The following DAAM1 variants were observed in gnomAD, a reference collection of about 807,000 sequenced individuals.
DAAM1 encodes the protein disheveled-associated activator of morphogenesis 1.
DAAM1 carries 52 observed loss-of-function variants against 130.0 expected under a neutral mutation model. That is an observed-to-expected ratio of 0.40 (90% CI 0.32 to 0.50). The LOEUF (loss-of-function observed/expected upper bound fraction) is 0.50, where lower values mean the gene tolerates loss of function less well. DAAM1 is among the 20% of genes least tolerant of loss of function. DAAM1 has a pLI of 0.61. For synonymous variants in DAAM1, 452 were observed against 444.5 expected (o/e 1.02, Z -0.21); for missense variants, 1,134 against 1,303.8 (o/e 0.87, Z 2.01).
At chr14:59,319,811 C>CTCA (rs1433695714) in intron 4 of DAAM1, among the ~76,000 whole-genome samples, 1 of 152,128 alleles carries the variant, frequency 6.6e-6, no homozygotes, top group Non-Finnish European at 1.5e-5. Flanking sequence ...CATCTCAGAC[C>CTCA]TCACCCCAGA....
intron 12 of DAAM1, among the ~76,000 whole-genome samples, chr14:59,330,154 C>G (rs1885368061): frequency 1.3e-5 from 2 of 152,150 alleles, no homozygotes; most frequent in African/African-American, 4.8e-5. Flanking sequence ...CCTTGTATTG[C>G]TAAAGGACCA....
At position 59,325,701 on chromosome 14, in the gene DAAM1, G is replaced by A. The variant is rs1566704590; in HGVS notation, c.1027G>A (p.Glu343Lys). 6.2e-7 allele frequency: 1 copy of A among 1,613,996 alleles called. No homozygotes were observed. The highest frequency in any genetic ancestry group is 8.5e-7 in the Non-Finnish European group (1 of 1,179,976). Residue 343 changes from glutamate to lysine, a missense_variant, in exon 9 of 25, where the codon GAA becomes AAA. Transcript: ENST00000360909. Reference protein sequence around the residue: ...DFFEMLRNEDELEFAKRFELV... With the variant: ...DFFEMLRNEDKLEFAKRFELV... ...TTTTGAAATGCTCCGAAATGAAGAT[G>A]AACTAGAATTTGCCAAAAGATTTGA...
At chr14:59,264,551 C>G (rs1174899406) in intron 2 of DAAM1, 1 of 152,078 alleles carries the variant, frequency 6.6e-6, no homozygotes, top group Non-Finnish European at 1.5e-5. Flanking sequence ...GGCCCAGTGC[C>G]TGGCCTTTAA....
chr14:59,295,074 T>A (rs1271101080), intron 3 of DAAM1, among the ~76,000 whole-genome samples: 1 of 152,190 alleles, frequency 6.6e-6, no homozygotes, highest in Non-Finnish European at 1.5e-5. Context: ...GTTTGCCAAG[T>A]AAGTAAATGG....
intron 3 of DAAM1, among the ~76,000 whole-genome samples, chr14:59,305,900 G>A (rs540367215): frequency 3.3e-4 from 51 of 152,304 alleles, no homozygotes; most frequent in African/African-American, 1.1e-3. Context: ...TGTAAATAAA[G>A]TTTGTGATAT....
intron 1 of DAAM1, among the ~76,000 whole-genome samples, chr14:59,223,879 A>C (rs372899711): frequency 9.9e-5 from 15 of 152,232 alleles, no homozygotes; most frequent in African/African-American, 3.6e-4. Context: ...TGTTTCCTGC[A>C]CTCTTAACAC....
chr14:59,193,540 G>A (rs1326548502), intron 1 of DAAM1, among the ~76,000 whole-genome samples: 1 of 152,072 alleles, frequency 6.6e-6, no homozygotes, highest in African/African-American at 2.4e-5. Context: ...TGCATTCATA[G>A]TCCACAAGTT....
chr14:59,263,397 A>G (rs1193748367), intron 1 of DAAM1, 44 bp from the exon 2 acceptor site: 1 of 1,544,650 alleles, frequency 6.5e-7, no homozygotes, highest in Non-Finnish European at 8.9e-7. Context: ...AAATCATTTT[A>G]TCTGTTCCTG....
At chr14:59,281,942 G>T (rs993650724) in intron 2 of DAAM1, among the ~76,000 whole-genome samples, 1 of 152,126 alleles carries the variant, frequency 6.6e-6, no homozygotes, top group East Asian at 1.9e-4. Context: ...AGTTATTATC[G>T]AATTTAATCT....
chr14:59,204,256 G>C (rs1450695672), intron 1 of DAAM1, among the ~76,000 whole-genome samples: 1 of 152,158 alleles, frequency 6.6e-6, no homozygotes, highest in Non-Finnish European at 1.5e-5. Context: ...GGGGCTCAGG[G>C]GCTTCTTCCA....
intron 2 of DAAM1, among the ~76,000 whole-genome samples, chr14:59,286,706 A>G (rs1038521173): frequency 1.3e-5 from 2 of 152,156 alleles, no homozygotes; most frequent in Non-Finnish European, 2.9e-5. Context: ...TCCCAGAAAC[A>G]CACAGCCTCC....
intron 2 of DAAM1, 85 bp downstream of exon 2, chr14:59,263,745 A>C (rs758641904): frequency 1.2e-5 from 19 of 1,555,202 alleles, no homozygotes; most frequent in South Asian, 2.3e-5. Context: ...GTTTGGTTTG[A>C]CATGGACTTT....
intron 3 of DAAM1, among the ~76,000 whole-genome samples, chr14:59,303,100 T>A (rs1285581371): frequency 2.0e-5 from 3 of 152,222 alleles, no homozygotes; most frequent in Admixed American, 2.0e-4. Context: ...AGTGCTATGG[T>A]GGAACCAAGA....
At chr14:59,239,830 T>C (rs1889421938) in intron 1 of DAAM1, among the ~76,000 whole-genome samples, 1 of 152,204 alleles carries the variant, frequency 6.6e-6, no homozygotes, top group Non-Finnish European at 1.5e-5. Context: ...TAATGACTTT[T>C]ACATTCTAGC....
chr14:59,222,469 C>T (rs1189582860), intron 1 of DAAM1, among the ~76,000 whole-genome samples: 2 of 152,156 alleles, frequency 1.3e-5, no homozygotes, highest in East Asian at 3.9e-4. Context: ...ATAAAGGGGG[C>T]TCAGTGTTGG....
At chr14:59,363,604 T>C in intron 22 of DAAM1, 47 bp from the exon 23 acceptor site, 1 of 1,611,662 alleles carries the variant, frequency 6.2e-7, no homozygotes, top group Non-Finnish European at 8.5e-7. Context: ...GTGTCTCATG[T>C]CTGTATTTGA....
At chr14:59,271,931 A>T (rs1175861978) in intron 2 of DAAM1, among the ~76,000 whole-genome samples, 1 of 152,212 alleles carries the variant, frequency 6.6e-6, no homozygotes. Flanking sequence ...AGATGAAAAA[A>T]TTGCGTAATA....
chr14:59,289,659 C>T (rs536800468), intron 2 of DAAM1, among the ~76,000 whole-genome samples: 1 of 151,272 alleles, frequency 6.6e-6, no homozygotes, highest in East Asian at 1.9e-4. Flanking sequence ...AAATTGTTCT[C>T]CCAAAAAGAC....
chr14:59,332,116 G>C (rs893434365), intron 15 of DAAM1, among the ~76,000 whole-genome samples, 196 bp downstream of exon 15: 2 of 152,194 alleles, frequency 1.3e-5, no homozygotes, highest in Non-Finnish European at 2.9e-5. Context: ...TAAGCTCCTT[G>C]TTAGGGAGTT....
Sources: gnomAD v4.1 joint callset for allele counts (sites outside exome capture counted in the v4.1 genomes callset) on GRCh38, gnomAD v4.1.1 for gene constraint, MANE v1.5 for transcripts, NCBI Gene and HGNC (gene_info 2026-07-23, HGNC 2026-07-21) for gene names.